KALRN: variants seen among roughly 807,000 people sequenced by gnomAD.
KALRN encodes kalirin RhoGEF kinase, also known as kalirin.
A neutral mutation model predicts 353.7 loss-of-function variants in KALRN; 70 were observed. The ratio of observed to expected loss-of-function variants is 0.20; its 90% CI spans 0.16 to 0.24. The LOEUF is 0.24. Among genes scored for constraint, KALRN ranks in the 10% least tolerant of loss-of-function variants. KALRN has a pLI of 1.00. For synonymous variants in KALRN, 1,391 were observed against 1,434.8 expected (o/e 0.97, Z 0.69); for missense variants, 2,791 against 3,756.7 (o/e 0.74, Z 6.72).
chr3:124,216,229 T>C (rs187473064), intron 1 of KALRN, among the ~76,000 whole-genome samples: 36 of 152,320 alleles, frequency 2.4e-4, no homozygotes, highest in African/African-American at 8.2e-4. Context: ...CATTTCATTT[T>C]TTTCTCTGCC....
intron 1 of KALRN, among the ~76,000 whole-genome samples, chr3:124,215,101 C>T (rs933476790): frequency 6.6e-6 from 1 of 151,912 alleles, no homozygotes; most frequent in African/African-American, 2.4e-5. Flanking sequence ...CAACTGCTGG[C>T]AGCTGCTGGC....
At chr3:124,154,679 A>G (rs2068705655) in intron 1 of KALRN, among the ~76,000 whole-genome samples, 1 of 152,326 alleles carries the variant, frequency 6.6e-6, no homozygotes, top group South Asian at 2.1e-4. Context: ...GAAAATGGCC[A>G]TACTGCCCAA....
rs1016964152 is a variant in KALRN, at chr3:124,444,231, G to A, written c.3314-1930G>A. ...CCAGGTAAGAGCTTGTTTGCTCCACGTGTATTTATTCTGGGACCTGGGTCG... is the reference window on the plus strand; with the variant it reads ...CCAGGTAAGAGCTTGTTTGCTCCACATGTATTTATTCTGGGACCTGGGTCG... On this transcript the variant is annotated intron_variant, in intron 19 of 59. Coordinates refer to ENST00000682506, the MANE Select transcript of KALRN (RefSeq NM_001388419.1). Among the ~76,000 whole-genome samples, 10 of 152,192 alleles carry A rather than the reference G, an allele frequency of 6.6e-5. No homozygotes were observed. The East Asian group carries it at 7.7e-4, about 12-fold the overall frequency.
chr3:124,438,707 C>T (rs1312881537), intron 17 of KALRN, among the ~76,000 whole-genome samples, 181 bp from the exon 18 acceptor site: 1 of 152,106 alleles, frequency 6.6e-6, no homozygotes, highest in African/African-American at 2.4e-5. Context: ...CTCCAGTCAT[C>T]ATGTCTCCCA....
chr3:124,614,889 A>G (rs2078397704), intron 34 of KALRN, among the ~76,000 whole-genome samples: 1 of 152,074 alleles, frequency 6.6e-6, no homozygotes. Flanking sequence ...TTCATTATAC[A>G]CTGTTCAGTC....
chr3:124,326,346 C>T (rs2079910471), intron 7 of KALRN, among the ~76,000 whole-genome samples, 175 bp downstream of exon 7: 1 of 152,184 alleles, frequency 6.6e-6, no homozygotes, highest in Non-Finnish European at 1.5e-5. Flanking sequence ...ACTTTGATGG[C>T]CCCTGTGTGC....
intron 53 of KALRN, 82 bp downstream of exon 53, chr3:124,694,585 T>C: frequency 1.5e-6 from 2 of 1,363,526 alleles, no homozygotes; most frequent in Non-Finnish European, 2.0e-6. Context: ...GTGCAACTTC[T>C]GCTCTGGTGA....
intron 1 of KALRN, among the ~76,000 whole-genome samples, chr3:124,071,973 T>C (rs1212662651): frequency 6.6e-6 from 1 of 152,228 alleles, no homozygotes; most frequent in Non-Finnish European, 1.5e-5. Context: ...TCACAGAGAT[T>C]CCTAAAAGAC....
chr3:124,555,462 T>G (rs369153019), intron 33 of KALRN, among the ~76,000 whole-genome samples: 1 of 138,954 alleles, frequency 7.2e-6, no homozygotes, highest in Non-Finnish European at 1.6e-5. Context: ...AATAAATAAA[T>G]AAAGTTATCT....
chr3:124,208,305 C>T (rs1579400139), intron 1 of KALRN, among the ~76,000 whole-genome samples: 1 of 152,192 alleles, frequency 6.6e-6, no homozygotes, highest in Non-Finnish European at 1.5e-5. Flanking sequence ...TTGCTTTGAC[C>T]TTGAGCTTCA....
intron 9 of KALRN, among the ~76,000 whole-genome samples, chr3:124,343,336 T>A (rs944103098): frequency 7.9e-5 from 12 of 152,120 alleles, no homozygotes; most frequent in Non-Finnish European, 1.3e-4. Flanking sequence ...TTTTTTGTAT[T>A]TTTTGTAGAG....
intron 10 of KALRN, among the ~76,000 whole-genome samples, chr3:124,371,391 A>T (rs1256768741): frequency 6.6e-6 from 1 of 152,308 alleles, no homozygotes; most frequent in South Asian, 2.1e-4. Flanking sequence ...GCTGCAGTAA[A>T]CATGAGAGTG....
intron 10 of KALRN, among the ~76,000 whole-genome samples, chr3:124,381,002 G>A (rs969619779): frequency 7.9e-5 from 12 of 152,246 alleles, no homozygotes; most frequent in African/African-American, 2.4e-4. Flanking sequence ...GACACTAAGG[G>A]AAAGAGATGA....
chr3:124,675,529 T>C (rs1302891724), intron 49 of KALRN: 1 of 151,010 alleles, frequency 6.6e-6, no homozygotes, highest in Non-Finnish European at 1.5e-5. Context: ...TTTTTTTTTT[T>C]TTTTTTTTCC....
intron 14 of KALRN, among the ~76,000 whole-genome samples, chr3:124,414,955 C>T (rs143661762): frequency 5.3e-5 from 8 of 152,322 alleles, no homozygotes; most frequent in South Asian, 4.1e-4. Context: ...CTTTCGATGA[C>T]CTGAAAGAGT....
intron 1 of KALRN, among the ~76,000 whole-genome samples, chr3:124,068,744 CAG>C (rs1267073649): frequency 6.6e-6 from 1 of 151,910 alleles, no homozygotes; most frequent in Non-Finnish European, 1.5e-5. Context: ...TGATTATTGA[CAG>C]AAGCACTGGG....
At chr3:124,363,250 C>A (rs1027613261) in intron 10 of KALRN, among the ~76,000 whole-genome samples, 4 of 152,158 alleles carry the variant, frequency 2.6e-5, no homozygotes, top group Admixed American at 6.5e-5. Flanking sequence ...ACACAAAGAT[C>A]ACTTGAAAAA....
chr3:124,108,690 CTA>C (rs371300874), intron 1 of KALRN, among the ~76,000 whole-genome samples: 231 of 152,294 alleles, frequency 1.5e-3, no homozygotes, highest in African/African-American at 4.4e-3. Flanking sequence ...CTGTGAGTGA[CTA>C]TGATGATCAC....
intron 10 of KALRN, among the ~76,000 whole-genome samples, chr3:124,364,808 A>G (rs531796366): frequency 2.5e-4 from 38 of 152,042 alleles, no homozygotes; most frequent in African/African-American, 8.9e-4. Flanking sequence ...GGGGTCTCTG[A>G]CTCTCAAACC....
Sources: allele counts gnomAD v4.1 joint callset (sites outside exome capture counted in the v4.1 genomes callset), GRCh38; gene constraint gnomAD v4.1.1; transcripts MANE v1.5; gene names NCBI Gene and HGNC (gene_info 2026-07-23, HGNC 2026-07-21).